JMJD7: variants seen among roughly 807,000 people sequenced by gnomAD.
JMJD7 encodes bifunctional peptidase and (3S)-lysyl hydroxylase JMJD7.
A neutral mutation model predicts 41.1 loss-of-function variants in JMJD7; 41 were observed. The ratio of observed to expected loss-of-function variants is 1.00; its 90% CI spans 0.78 to 1.30. JMJD7 has a LOEUF of 1.30. Among genes scored for constraint, JMJD7 ranks in the 50% most tolerant of loss-of-function variants. JMJD7 has a pLI of 0.00. For missense variants in JMJD7, 480 were observed against 420.7 expected, an observed-to-expected ratio of 1.14 and a Z score of -1.23; for synonymous variants, 202 against 177.2, an observed-to-expected ratio of 1.14 and a Z score of -1.11.
In JMJD7 at chr15:41,833,419, T is replaced by A. The variant is rs1167158553; in HGVS notation, c.65-1321T>A. Among the ~76,000 whole-genome samples, 849 of 108,054 alleles carry A rather than the reference T, an allele frequency of 7.9e-3. 6 individuals carry two copies. Among genetic ancestry groups the A allele is most frequent in the Non-Finnish European group, 9.1e-3 (463 of 51,086 alleles). 70.9% of individuals were successfully genotyped at this position (108,054 alleles called of 152,430 possible). Reference sequence around the variant, plus strand: ...ATATATATATATATATATATATTTTTTTTTTTTTTTTTTTTTTTTGAGATA... The same window carrying A: ...ATATATATATATATATATATATTTTATTTTTTTTTTTTTTTTTTTGAGATA... On this transcript the variant is annotated intron_variant, in intron 1 of 7. Coordinates refer to ENST00000397299, the MANE Select transcript of JMJD7 (RefSeq NM_001114632.2).
rs547697598 is a variant in JMJD7, at chr15:41,835,799, C to T, written c.529+155C>T. Among the ~76,000 whole-genome samples the T allele has an allele frequency of 4.9e-4, 75 of 152,306 alleles. 1 individual carries two copies. The highest frequency in any genetic ancestry group is 2.9e-4 in the Non-Finnish European group (20 of 68,026). ...AGGACTCGGGCACCACAGAGGGTTT[C>T]CCCTGACAGCTGAGGTCGGGGAATG... On this transcript the variant is annotated intron_variant, in intron 4 of 7. Transcript: ENST00000397299.
At chr15:41,830,506 G>A (rs2065214490) in intron 1 of JMJD7, among the ~76,000 whole-genome samples, 2 of 152,182 alleles carry the variant, frequency 1.3e-5, no homozygotes, top group African/African-American at 4.8e-5. Flanking sequence ...CCAAGTTGGT[G>A]GAGTGGGAGC....
chr15:41,836,257 C>T lies in JMJD7; in HGVS notation c.625+14C>T, dbSNP rs564179531. 5.0e-6 allele frequency: 8 copies of T among 1,611,718 alleles called. No individual in the cohort carries two copies. In the African/African-American group the frequency reaches 9.3e-5, roughly 19 times the overall value. ...TCATCCCCTATGGTAGGGGATGTGG[C>T]CTGCAGGGAGGGGCTGGGGAACAGC... On this transcript the variant is annotated intron_variant, in intron 5 of 7. Coordinates refer to ENST00000397299, the MANE Select transcript of JMJD7 (RefSeq NM_001114632.2).
chr15:41,835,598 C>A lies in JMJD7; in HGVS notation c.483C>A (p.Pro161=). 6.2e-7 allele frequency: 1 copy of A among 1,613,740 alleles called. No individual in the cohort carries two copies. Among genetic ancestry groups the A allele is most frequent in the South Asian group, 1.1e-5 (1 of 91,026 alleles). Residue 161 remains proline, a synonymous_variant, in exon 4 of 8, where the codon CCC becomes CCA. Transcript: ENST00000397299. The stretch of plus-strand genomic sequence containing the variant: ...CCTTCTGCCCTGCAGGAAAGATGCC[C>A]GATGCTGTGAACTTCTGGCTGGGGG... ...PWASEALGKM[P]DAVNFWLGEA...
chr15:41,836,787 T>C lies in JMJD7; in HGVS notation c.709T>C (p.Trp237Arg). The C allele has an allele frequency of 1.9e-6, 3 of 1,607,888 alleles. No homozygotes were observed. Among genetic ancestry groups the C allele is most frequent in the Non-Finnish European group, 2.5e-6 (3 of 1,177,564 alleles). Residue 237 changes from tryptophan to arginine, a missense_variant, in exon 7 of 8, where the codon TGG (tryptophan) becomes CGG (arginine). Coordinates refer to ENST00000397299, the MANE Select transcript of JMJD7 (RefSeq NM_001114632.2). ...VDEEAMEKVPWIPLDPLAPDL... is the reference protein window; with the variant it reads ...VDEEAMEKVPRIPLDPLAPDL... ...GCATCTGATGTGTTCCCAGGTGCCC[T>C]GGATCCCACTGGACCCCTTGGCGCC...
In JMJD7 at chr15:41,828,459, C is replaced by T. The variant is rs950609754; in HGVS notation, c.64+271C>T. ...GTTTCCTACAGTCTTGAGCAGCTTG[C>T]TGTTACCCTTGTTGAAAGCTCATCG... On this transcript the variant is annotated intron_variant, in intron 1 of 7. Transcript: ENST00000397299. 6 of 368,562 alleles carry T rather than the reference C, an allele frequency of 1.6e-5. No homozygotes were observed. The Admixed American group carries it at 2.3e-4, about 14-fold the overall frequency. 22.8% of individuals were successfully genotyped at this position (368,562 alleles called of 1,614,324 possible). A position where few individuals can be genotyped will look rare whatever the true frequency, so the allele number is the denominator to read the frequency against.
chr15:41,835,064 C>A lies in JMJD7; in HGVS notation c.313C>A (p.Arg105Ser). 6.2e-7 allele frequency: 1 copy of A among 1,613,798 alleles called. No homozygotes were observed. The highest frequency in any genetic ancestry group is 8.5e-7 in the Non-Finnish European group (1 of 1,180,050). The change falls in exon 3 of 8, where the codon CGC becomes AGC. Residue 105 changes from arginine to serine, a missense_variant. Transcript: ENST00000397299. ...RGDRFMMPAE[R>S]RLPLSFVLDV... ...GGATCGCTTCATGATGCCAGCTGAG[C>A]GCCGCCTGCCCCTGAGCTTCGTGCT...
At position 41,834,745 on chromosome 15, in the gene JMJD7, T is replaced by C; in HGVS notation, c.70T>C (p.Cys24Arg). The change falls in exon 2 of 8, where the codon TGC (cysteine) becomes CGC (arginine). Residue 24 changes from cysteine (C) to arginine (R), a missense_variant. Cys to Arg is a radical substitution (Grantham distance 180, BLOSUM62 -3). Transcript: ENST00000397299. ...TGTCTTCTTCTTTCTCTCAGAGCTCTGCGTGCCTCTTGCTGTGCCCTACCT... is the reference window on the plus strand; with the variant it reads ...TGTCTTCTTCTTTCTCTCAGAGCTCCGCGTGCCTCTTGCTGTGCCCTACCT... ...REFPAAAREL[C>R]VPLAVPYLDK... 6.2e-7 allele frequency: 1 copy of C among 1,614,080 alleles called. No individual in the cohort carries two copies. Among genetic ancestry groups the C allele is most frequent in the Non-Finnish European group, 8.5e-7 (1 of 1,179,974 alleles).
chr15:41,837,224 A>G lies in JMJD7; in HGVS notation c.*68A>G, dbSNP rs1026053984. ...AGCCAGCCCCTCCCTGGCCAGGTCA[A>G]TTCTCGAGAGAGCCTGGAGTGTGCA... On this transcript the variant is annotated 3_prime_UTR_variant, in exon 8 of 8. Coordinates refer to ENST00000397299, the MANE Select transcript of JMJD7 (RefSeq NM_001114632.2). The G allele has an allele frequency of 1.2e-5, 14 of 1,133,352 alleles. No individual in the cohort carries two copies. Among genetic ancestry groups the G allele is most frequent in the African/African-American group, 4.6e-5 (3 of 64,996 alleles). 70.2% of individuals were successfully genotyped at this position (1,133,352 alleles called of 1,614,324 possible).
chr15:41,832,418 A>C (rs2065242222), intron 1 of JMJD7: 1 of 161,970 alleles, frequency 6.2e-6, no homozygotes, highest in South Asian at 1.6e-4. Context: ...GCGTCACTGC[A>C]CTTCAGCCTG....
intron 1 of JMJD7, among the ~76,000 whole-genome samples, chr15:41,831,883 GA>G (rs1256842896): frequency 6.6e-6 from 1 of 152,206 alleles, no homozygotes; most frequent in Non-Finnish European, 1.5e-5. Context: ...ACATGAAGAG[GA>G]CTGAACCATG....
chr15:41,834,214 TAAG>T (rs1445158071), intron 1 of JMJD7, among the ~76,000 whole-genome samples: 1 of 152,228 alleles, frequency 6.6e-6, no homozygotes, highest in Non-Finnish European at 1.5e-5. Context: ...GTAAATTTCT[TAAG>T]ATGATGATTG....
Position 41,834,864 on chromosome 15 carries a change from C to T in JMJD7, c.189C>T (p.Ala63=). 2 of 1,614,184 alleles carry T rather than the reference C, an allele frequency of 1.2e-6. No individual in the cohort carries two copies. The highest frequency in any genetic ancestry group is 1.7e-6 in the Non-Finnish European group (2 of 1,180,002). ...GCAACGCTCTGCAGCACTGGCCGGC[C>T]CTCCAGAAGTGGTCCCTCCCCTATT... is the stretch of plus-strand genomic sequence containing the variant. ...IIRNALQHWP[A]LQKWSLPYFR... is the part of the protein sequence containing the mutation. Residue 63 remains alanine, a synonymous_variant, in exon 2 of 8, where the codon GCC becomes GCT. Transcript: ENST00000397299.
chr15:41,833,778 G>A (rs1204152480), intron 1 of JMJD7, among the ~76,000 whole-genome samples: 1 of 152,072 alleles, frequency 6.6e-6, no homozygotes, highest in Admixed American at 6.6e-5. Flanking sequence ...TACGGAAAGG[G>A]ATATAAAGAT....
chr15:41,837,340 G>C lies in JMJD7; in HGVS notation c.*184G>C. ...CATAAGGACTCAAGGTGCCAGGCAG[G>C]TCTGGGTGAGGGTTCTCAGGAAGTT... On this transcript the variant is annotated 3_prime_UTR_variant, in exon 8 of 8. Coordinates refer to ENST00000397299, the MANE Select transcript of JMJD7 (RefSeq NM_001114632.2). 1.7e-6 allele frequency: 1 copy of C among 594,140 alleles called. No individual in the cohort carries two copies. The highest frequency in any genetic ancestry group is 3.0e-6 in the Non-Finnish European group (1 of 334,086). 36.8% of individuals were successfully genotyped at this position (594,140 alleles called of 1,614,324 possible). A position where few individuals can be genotyped will look rare whatever the true frequency, so the allele number is the denominator to read the frequency against.
chr15:41,834,637 C>G, intron 1 of JMJD7, 103 bp from the exon 2 acceptor site: 1 of 1,508,066 alleles, frequency 6.6e-7, no homozygotes, highest in Non-Finnish European at 8.9e-7. Flanking sequence ...ACGAGCATTT[C>G]CCAGTGACAC....
chr15:41,833,893 G>A (rs561033020), intron 1 of JMJD7, among the ~76,000 whole-genome samples: 1 of 152,266 alleles, frequency 6.6e-6, no homozygotes, highest in Non-Finnish European at 1.5e-5. Flanking sequence ...CTGGAATGTG[G>A]ATGCCAGTGG....
intron 1 of JMJD7, chr15:41,828,452 C>T (rs1596108869): frequency 2.6e-6 from 1 of 384,208 alleles, no homozygotes; most frequent in Non-Finnish European, 4.6e-6. Context: ...CAGTCTTGAG[C>T]AGCTTGCTGT....
intron 1 of JMJD7, among the ~76,000 whole-genome samples, chr15:41,828,726 C>T (rs2065180550): frequency 6.6e-6 from 1 of 152,116 alleles, no homozygotes; most frequent in Non-Finnish European, 1.5e-5. Flanking sequence ...ATGTAATATA[C>T]AGTGGTACGC....
Sources: gnomAD v4.1 joint callset for allele counts (sites outside exome capture counted in the v4.1 genomes callset) on GRCh38, gnomAD v4.1.1 for gene constraint, MANE v1.5 for transcripts, NCBI Gene and HGNC (gene_info 2026-07-23, HGNC 2026-07-21) for gene names.